The following PPID variants were observed in gnomAD, a reference collection of about 807,000 sequenced individuals.
The protein encoded by PPID is peptidyl-prolyl cis-trans isomerase D.
In PPID, 47 loss-of-function variants were observed where a neutral mutation model predicts 48.1. That is an observed-to-expected ratio of 0.98 (90% CI 0.77 to 1.25). PPID has a LOEUF of 1.25. PPID is among the 50% of genes most tolerant of loss of function. The probability of loss-of-function intolerance (pLI) is 0.00; values close to 1 mark genes in which losing one functional copy is unlikely to be tolerated. For missense variants in PPID, 429 were observed against 443.5 expected, an observed-to-expected ratio of 0.97 and a Z score of 0.29; for synonymous variants, 163 against 148.8, an observed-to-expected ratio of 1.10 and a Z score of -0.69.
intron 3 of PPID, among the ~76,000 whole-genome samples, chr4:158,718,337 G>A (rs1190347169): frequency 6.6e-6 from 1 of 152,078 alleles, no homozygotes; most frequent in Non-Finnish European, 1.5e-5. Flanking sequence ...CCTCCTCAAT[G>A]ACTTCCATAA....
intron 4 of PPID, among the ~76,000 whole-genome samples, chr4:158,716,062 GTAT>G (rs1457255859): frequency 6.6e-6 from 1 of 151,934 alleles, no homozygotes; most frequent in Non-Finnish European, 1.5e-5. Flanking sequence ...AGGCTGGGTA[GTAT>G]TATGGTCGTT....
intron 3 of PPID, among the ~76,000 whole-genome samples, chr4:158,718,525 G>A (rs1007797986): frequency 4.6e-5 from 7 of 152,046 alleles, no homozygotes; most frequent in African/African-American, 1.7e-4. Context: ...TGTCATCAAG[G>A]CCTTTCATTT....
In PPID at chr4:158,710,860, T is replaced by C; in HGVS notation, c.895-12A>G. On this transcript the variant is annotated splice_polypyrimidine_tract_variant and intron_variant, in intron 7 of 9. Coordinates refer to ENST00000307720, the MANE Select transcript of PPID (RefSeq NM_005038.3). ...TCTAGTTCAAGAGCCTACAAAAAAG[T>C]ATAAAGCTAGTATTTATATCAAAGT... 6.3e-7 allele frequency: 1 copy of C among 1,595,236 alleles called. No homozygotes were observed. Among genetic ancestry groups the C allele is most frequent in the African/African-American group, 1.3e-5 (1 of 74,470 alleles).
intron 6 of PPID, among the ~76,000 whole-genome samples, chr4:158,714,915 AAT>A (rs1206440340): frequency 6.6e-6 from 1 of 152,206 alleles, no homozygotes; most frequent in Non-Finnish European, 1.5e-5. Flanking sequence ...ATTATCTATC[AAT>A]ATTACTTTGG....
intron 2 of PPID, 141 bp downstream of exon 2, chr4:158,721,202 G>A (rs1179017983): frequency 7.0e-6 from 7 of 1,000,424 alleles, no homozygotes; most frequent in East Asian, 5.2e-5. Flanking sequence ...TAACCTTTAC[G>A]AAACTGCGTT....
chr4:158,719,561 G>GT, intron 2 of PPID, among the ~76,000 whole-genome samples: 1 of 152,286 alleles, frequency 6.6e-6, no homozygotes, highest in East Asian at 1.9e-4. Context: ...TCCCTAAGCT[G>GT]TATGTCCTAA....
chr4:158,712,810 C>T (rs1244522556), intron 7 of PPID, among the ~76,000 whole-genome samples: 3 of 152,034 alleles, frequency 2.0e-5, no homozygotes, highest in Admixed American at 6.6e-5. Flanking sequence ...TAACCCACAT[C>T]TTAATCATTT....
At position 158,721,373 on chromosome 4, in the gene PPID, G is replaced by T; in HGVS notation, c.196C>A (p.Leu66Ile). The change falls in exon 2 of 10, where the codon CTC (leucine) becomes ATC (isoleucine). Residue 66 changes from leucine (L) to isoleucine (I), a missense_variant. Coordinates refer to ENST00000307720, the MANE Select transcript of PPID (RefSeq NM_005038.3). ...KGIGHTTGKPLHFKGCPFHRI... is the reference protein window; with the variant it reads ...KGIGHTTGKPIHFKGCPFHRI... ...TGAAAAGGGCATCCTTTGAAATGGA[G>T]AGGTTTCCCAGTCGTGTGTCCAATG... The T allele has an allele frequency of 1.2e-6, 2 of 1,614,134 alleles. No individual in the cohort carries two copies. Among genetic ancestry groups the T allele is most frequent in the Non-Finnish European group, 1.7e-6 (2 of 1,179,994 alleles).
chr4:158,723,025 C>G (rs993387595), intron 1 of PPID, among the ~76,000 whole-genome samples, 179 bp downstream of exon 1: 5 of 152,216 alleles, frequency 3.3e-5, no homozygotes, highest in African/African-American at 1.2e-4. Context: ...GATACAAGGG[C>G]GCTGGATCGA....
At chr4:158,721,804 A>C (rs1243684739) in intron 1 of PPID, among the ~76,000 whole-genome samples, 2 of 152,202 alleles carry the variant, frequency 1.3e-5, no homozygotes, top group Non-Finnish European at 2.9e-5. Context: ...TGTAAGTGAG[A>C]TCATGCCTTG....
chr4:158,721,500 T>C lies in PPID; in HGVS notation c.86-17A>G, dbSNP rs528791439. ...TTCGACCAACTAAAAGAAAAGAAAA[T>C]CTTGTCAGTATGCAAAACAACCAAA... On this transcript the variant is annotated splice_polypyrimidine_tract_variant and intron_variant, in intron 1 of 9. Coordinates refer to ENST00000307720, the MANE Select transcript of PPID (RefSeq NM_005038.3). 2 of 1,610,684 alleles carry C rather than the reference T, an allele frequency of 1.2e-6. No individual in the cohort carries two copies. Among genetic ancestry groups the C allele is most frequent in the African/African-American group, 2.7e-5 (2 of 74,778 alleles).
At chr4:158,722,105 T>C (rs998898491) in intron 1 of PPID, among the ~76,000 whole-genome samples, 2 of 152,248 alleles carry the variant, frequency 1.3e-5, no homozygotes, top group African/African-American at 4.8e-5. Flanking sequence ...TTTATTCTAA[T>C]ATTCAAATTT....
intron 3 of PPID, 41 bp downstream of exon 3, chr4:158,719,139 A>G: frequency 7.5e-7 from 1 of 1,336,588 alleles, no homozygotes; most frequent in Non-Finnish European, 1.1e-6. Flanking sequence ...GATATATAAC[A>G]ATCTTTTTAT....
chr4:158,721,530 C>A (rs766040934), intron 1 of PPID, 47 bp from the exon 2 acceptor site: 38 of 1,577,954 alleles, frequency 2.4e-5, no homozygotes, highest in Admixed American at 5.3e-5. Flanking sequence ...ACCAAATAGA[C>A]AAATGATAAA....
chr4:158,712,422 ATG>A (rs1195933143), intron 7 of PPID, among the ~76,000 whole-genome samples: 3 of 152,188 alleles, frequency 2.0e-5, no homozygotes, highest in African/African-American at 7.2e-5. Context: ...GGTGCTTAAA[ATG>A]TGCCAGGCAC....
In PPID at chr4:158,723,380, C is replaced by G; in HGVS notation, c.-92G>C. 1 of 1,287,522 alleles carries G rather than the reference C, an allele frequency of 7.8e-7. No individual in the cohort carries two copies. Among genetic ancestry groups the G allele is most frequent in the South Asian group, 1.2e-5 (1 of 80,666 alleles). The allele number at this position is 1,287,522 out of a possible 1,614,324, so 79.8% of individuals were successfully genotyped here. A position where few individuals can be genotyped will look rare whatever the true frequency, so the allele number is the denominator to read the frequency against. On this transcript the variant is annotated 5_prime_UTR_variant, in exon 1 of 10. Transcript: ENST00000307720. ...TCCAGAGTCCGTCTCCGCCGGAGAC[C>G]GGCAGCGACGCTGACCGGCCACTTC...
rs1182000912 is a variant in PPID, at chr4:158,719,361, G to C, written c.227-75C>G. ...GCAATGCTTACTAATGGATACGTAC[G>C]TAAGACAACTTTGTAGTGCATGACT... On this transcript the variant is annotated intron_variant, in intron 2 of 9. Coordinates refer to ENST00000307720, the MANE Select transcript of PPID (RefSeq NM_005038.3). The C allele has an allele frequency of 1.7e-5, 16 of 948,764 alleles. No individual in the cohort carries two copies. The East Asian group carries it at 3.4e-4, about 20-fold the overall frequency. The allele number at this position is 948,764 out of a possible 1,614,324, so 58.8% of individuals were successfully genotyped here. A position where few individuals can be genotyped will look rare whatever the true frequency, so the allele number is the denominator to read the frequency against.
chr4:158,719,435 T>A, intron 2 of PPID, 149 bp from the exon 3 acceptor site: 1 of 600,434 alleles, frequency 1.7e-6, no homozygotes, highest in East Asian at 3.1e-5. Context: ...TCTCCGCAAC[T>A]CCAAACGCTT....
intron 8 of PPID, 45 bp downstream of exon 8, chr4:158,710,717 G>A (rs1774776307): frequency 6.2e-7 from 1 of 1,609,548 alleles, no homozygotes; most frequent in African/African-American, 1.3e-5. Flanking sequence ...ATTTATAAAG[G>A]TAGTTGTCTA....
Sources: allele counts gnomAD v4.1 joint callset (sites outside exome capture counted in the v4.1 genomes callset), GRCh38; gene constraint gnomAD v4.1.1; transcripts MANE v1.5; gene names NCBI Gene and HGNC (gene_info 2026-07-23, HGNC 2026-07-21).